The following CCSER1 variants were observed in gnomAD, a reference collection of about 807,000 sequenced individuals.
CCSER1 encodes the protein serine-rich coiled-coil domain-containing protein 1.
CCSER1 carries 41 observed loss-of-function variants against 82.0 expected under a neutral mutation model. That is an observed-to-expected ratio of 0.50 (90% CI 0.39 to 0.65). CCSER1 has a LOEUF of 0.65. Ranked by LOEUF, CCSER1 falls within the 30% of genes least tolerant of loss-of-function variation. The pLI, the probability that CCSER1 is intolerant of heterozygous loss-of-function variation, is 0.00. For missense variants in CCSER1, 1,119 were observed against 1,064.2 expected, an observed-to-expected ratio of 1.05 and a Z score of -0.72; for synonymous variants, 414 against 383.9, an observed-to-expected ratio of 1.08 and a Z score of -0.92.
chr4:91,080,331 G>A (rs937396432), intron 9 of CCSER1, among the ~76,000 whole-genome samples: 29 of 152,184 alleles, frequency 1.9e-4, no homozygotes, highest in African/African-American at 6.5e-4. Context: ...GGTACATAAA[G>A]AAATGAAGGT....
intron 1 of CCSER1, among the ~76,000 whole-genome samples, chr4:90,183,445 C>G (rs1218843967): frequency 6.6e-6 from 1 of 152,094 alleles, no homozygotes; most frequent in Non-Finnish European, 1.5e-5. Context: ...AGATTGGAAT[C>G]ATAACAACTT....
rs1346611004 is a variant in CCSER1, at chr4:90,257,079, A to G, written c.-41-51165A>G. ...CCTGATGGGTAAGAGAGGGATTGCTATATTCACTGTTATGGAAAATAGTGG... is the reference window on the plus strand; with the variant it reads ...CCTGATGGGTAAGAGAGGGATTGCTGTATTCACTGTTATGGAAAATAGTGG... On this transcript the variant is annotated intron_variant, in intron 1 of 10. Coordinates refer to ENST00000509176, the MANE Select transcript of CCSER1 (RefSeq NM_001145065.2). Among the ~76,000 whole-genome samples, 6 of 152,176 alleles carry G rather than the reference A, an allele frequency of 3.9e-5. No homozygotes were observed. The South Asian group carries it at 1.0e-3, about 26-fold the overall frequency.
intron 3 of CCSER1, among the ~76,000 whole-genome samples, chr4:90,349,752 A>G (rs1184200365): frequency 6.6e-6 from 1 of 152,140 alleles, no homozygotes; most frequent in Non-Finnish European, 1.5e-5. Context: ...GAGTTACAAC[A>G]GTAACTAATT....
intron 10 of CCSER1, among the ~76,000 whole-genome samples, chr4:91,583,392 A>C (rs558271847): frequency 3.3e-5 from 5 of 151,344 alleles, no homozygotes; most frequent in Non-Finnish European, 7.4e-5. Context: ...AGCATTTATA[A>C]ATTGCATCTA....
At chr4:90,877,056 C>T (rs988856750) in intron 8 of CCSER1, among the ~76,000 whole-genome samples, 5 of 151,992 alleles carry the variant, frequency 3.3e-5, no homozygotes, top group African/African-American at 1.2e-4. Flanking sequence ...GTGAGGGAAA[C>T]TAAGTTTCAG....
At chr4:91,302,111 G>T (rs907829654) in intron 10 of CCSER1, among the ~76,000 whole-genome samples, 2 of 151,886 alleles carry the variant, frequency 1.3e-5, no homozygotes, top group Non-Finnish European at 2.9e-5. Context: ...TGAATCACCA[G>T]TACTGACCTC....
intron 5 of CCSER1, among the ~76,000 whole-genome samples, chr4:90,516,415 C>G (rs1351954266): frequency 6.6e-6 from 1 of 151,642 alleles, no homozygotes; most frequent in East Asian, 1.9e-4. Flanking sequence ...GTTAGAAGAG[C>G]TAGTATGTAC....
intron 1 of CCSER1, among the ~76,000 whole-genome samples, chr4:90,306,457 T>C (rs960404090): frequency 5.9e-5 from 9 of 152,304 alleles, no homozygotes; most frequent in African/African-American, 2.2e-4. Flanking sequence ...GTATATACAA[T>C]TGTCATCTGT....
chr4:90,462,658 C>T (rs1474099950), intron 4 of CCSER1, among the ~76,000 whole-genome samples: 2 of 152,112 alleles, frequency 1.3e-5, no homozygotes, highest in African/African-American at 4.8e-5. Context: ...ATCGCTTGAG[C>T]CCAGGACTTT....
At chr4:91,478,614 A>C (rs1291485166) in intron 10 of CCSER1, among the ~76,000 whole-genome samples, 1 of 151,940 alleles carries the variant, frequency 6.6e-6, no homozygotes, top group South Asian at 2.1e-4. Context: ...CAATTAGTGG[A>C]TATATAGTAT....
At chr4:91,553,148 AGAT>A (rs1401951704) in intron 10 of CCSER1, among the ~76,000 whole-genome samples, 1 of 151,568 alleles carries the variant, frequency 6.6e-6, no homozygotes, top group Non-Finnish European at 1.5e-5. Context: ...GCATCTATTG[AGAT>A]GATTATATGA....
chr4:90,303,808 A>T (rs1157427043), intron 1 of CCSER1, among the ~76,000 whole-genome samples: 1 of 151,980 alleles, frequency 6.6e-6, no homozygotes, highest in Non-Finnish European at 1.5e-5. Context: ...AATGGGATCT[A>T]ATTAAACTAA....
At chr4:90,671,783 T>C (rs1732849990) in intron 6 of CCSER1, among the ~76,000 whole-genome samples, 1 of 152,060 alleles carries the variant, frequency 6.6e-6, no homozygotes, top group Non-Finnish European at 1.5e-5. Context: ...ATGAGAGCTA[T>C]GGCCTTAGGA....
chr4:91,338,927 G>C (rs1053946042), intron 10 of CCSER1, among the ~76,000 whole-genome samples: 2 of 152,106 alleles, frequency 1.3e-5, no homozygotes, highest in African/African-American at 4.8e-5. Flanking sequence ...TGAAATACAG[G>C]CAGTTTGGCC....
chr4:90,965,782 G>A (rs116415221), intron 9 of CCSER1, among the ~76,000 whole-genome samples: 2,121 of 152,164 alleles, frequency 0.014, 81 homozygotes, highest in African/African-American at 0.048. Context: ...ACACAAGAAA[G>A]TGTGACTCAT....
chr4:90,892,216 G>T (rs1056798029), intron 8 of CCSER1, among the ~76,000 whole-genome samples: 4 of 151,828 alleles, frequency 2.6e-5, no homozygotes, highest in Admixed American at 6.6e-5. Flanking sequence ...ATTAAGAAAG[G>T]CTTATTTTTA....
intron 6 of CCSER1, among the ~76,000 whole-genome samples, chr4:90,693,731 A>G (rs1259205171): frequency 6.6e-6 from 1 of 151,986 alleles, no homozygotes; most frequent in Non-Finnish European, 1.5e-5. Context: ...ATAAAATAAG[A>G]TATAGATATG....
intron 10 of CCSER1, among the ~76,000 whole-genome samples, chr4:91,170,534 G>T (rs531812408): frequency 6.6e-6 from 1 of 152,154 alleles, no homozygotes; most frequent in African/African-American, 2.4e-5. Flanking sequence ...AAATTTTCTT[G>T]AGGGTAATAG....
In CCSER1 at chr4:91,290,910, A is replaced by T. The variant is rs182715608; in HGVS notation, c.2217+204916A>T. On this transcript the variant is annotated intron_variant, in intron 10 of 10. Coordinates refer to ENST00000509176, the MANE Select transcript of CCSER1 (RefSeq NM_001145065.2). ...GGCTAATCCTAAAACAAAATAAAAG[A>T]ATGTCTTGATTTTATATTTTCCTTT... Among the ~76,000 whole-genome samples, 116 of 152,018 alleles carry T rather than the reference A, an allele frequency of 7.6e-4. 2 individuals are homozygous for T. The East Asian group carries it at 0.017, about 23-fold the overall frequency.
Sources: allele counts gnomAD v4.1 joint callset (sites outside exome capture counted in the v4.1 genomes callset), GRCh38; gene constraint gnomAD v4.1.1; transcripts MANE v1.5; gene names NCBI Gene and HGNC (gene_info 2026-07-23, HGNC 2026-07-21).